RYR2: variants seen among roughly 807,000 people sequenced by gnomAD.
RYR2 encodes ryanodine receptor 2.
Under a neutral mutation model 601.1 loss-of-function variants are expected in RYR2, and 227 were observed. The ratio of observed to expected loss-of-function variants is 0.38; its 90% CI spans 0.34 to 0.42. The LOEUF is 0.42. Ranked by LOEUF, RYR2 falls within the 10% of genes least tolerant of loss-of-function variation. The pLI, the probability that RYR2 is intolerant of heterozygous loss-of-function variation, is 1.00. For synonymous variants in RYR2, 2,223 were observed against 2,175.1 expected (o/e 1.02, Z -0.61); for missense variants, 4,646 against 6,156.5 (o/e 0.75, Z 8.21).
At chr1:237,755,918 T>C (rs751275130) in intron 80 of RYR2, among the ~76,000 whole-genome samples, 34 of 152,184 alleles carry the variant, frequency 2.2e-4, no homozygotes, top group Non-Finnish European at 3.4e-4. Context: ...GGCCATGGCA[T>C]GGGAGATTAT....
At chr1:237,072,476 C>G (rs1056973327) in intron 1 of RYR2, among the ~76,000 whole-genome samples, 1 of 151,520 alleles carries the variant, frequency 6.6e-6, no homozygotes, top group African/African-American at 2.4e-5. Context: ...GTCTGGAGAG[C>G]AAGGGTTCAT....
intron 1 of RYR2, among the ~76,000 whole-genome samples, chr1:237,048,959 G>T (rs536925058): frequency 2.6e-4 from 39 of 152,330 alleles, no homozygotes; most frequent in African/African-American, 9.1e-4. Flanking sequence ...GATAGTGGGG[G>T]TGGAAGAATA....
intron 21 of RYR2, among the ~76,000 whole-genome samples, chr1:237,501,569 T>TAC (rs142793493): frequency 2.0e-5 from 3 of 152,116 alleles, no homozygotes; most frequent in African/African-American, 4.8e-5. Context: ...CTTATTTTTA[T>TAC]ACACACACAC....
intron 2 of RYR2, among the ~76,000 whole-genome samples, chr1:237,306,191 TAC>T (rs1693844722): frequency 5.3e-5 from 8 of 152,358 alleles, no homozygotes; most frequent in African/African-American, 1.9e-4. Context: ...ATAGGATTAA[TAC>T]CATTTAATAA....
chr1:237,394,620 A>G (rs903649748), intron 10 of RYR2, among the ~76,000 whole-genome samples: 2 of 152,224 alleles, frequency 1.3e-5, no homozygotes, highest in African/African-American at 4.8e-5. Flanking sequence ...TTCACTCTGA[A>G]ATAACCTTTT....
At chr1:237,785,772 G>A (rs547588370) in intron 90 of RYR2, among the ~76,000 whole-genome samples, 197 bp from the exon 91 acceptor site, 1 of 152,296 alleles carries the variant, frequency 6.6e-6, no homozygotes, top group East Asian at 1.9e-4. Context: ...CCTGCTGCTG[G>A]TGCAGTAGGT....
intron 2 of RYR2, among the ~76,000 whole-genome samples, chr1:237,315,115 A>T (rs950778226): frequency 6.6e-6 from 1 of 152,170 alleles, no homozygotes; most frequent in African/African-American, 2.4e-5. Context: ...AGTAACCTAC[A>T]TGTGAATGAA....
chr1:237,326,018 A>C (rs1437454776), intron 2 of RYR2, among the ~76,000 whole-genome samples: 1 of 152,208 alleles, frequency 6.6e-6, no homozygotes, highest in Non-Finnish European at 1.5e-5. Flanking sequence ...TGGCTTATAT[A>C]GTCCTAAATT....
chr1:237,167,874 A>AT (rs1162162732), intron 1 of RYR2, among the ~76,000 whole-genome samples: 1 of 152,132 alleles, frequency 6.6e-6, no homozygotes, highest in Non-Finnish European at 1.5e-5. Context: ...CAATAGGCAC[A>AT]TGCCACTATG....
rs564957172 is a variant in RYR2 at position 237,456,682 on chromosome 1, G to T, written c.1559G>T (p.Arg520Leu). 9.9e-6 allele frequency: 16 copies of T among 1,613,606 alleles called. No homozygotes were observed. The highest frequency in any genetic ancestry group is 1.4e-5 in the Non-Finnish European group (16 of 1,179,664). The change falls in exon 16 of 105, where the codon CGA (arginine) becomes CTA (leucine). Residue 520 changes from arginine to leucine, a missense_variant. This residue lies in a region of RYR2 where 1,807 missense variants were observed against 2,088.1 expected (regional missense o/e 0.87). Transcript: ENST00000366574. ...GCACACTTTGCTGATGTTGCTGGGC[G>T]AGAAGCAGGAGAGTCTTGGAAATCC... ...SAAHFADVAG[R>L]EAGESWKSIL...
chr1:237,452,549 A>G (rs944441169), intron 14 of RYR2, among the ~76,000 whole-genome samples: 2 of 146,398 alleles, frequency 1.4e-5, no homozygotes, highest in African/African-American at 5.0e-5. Flanking sequence ...ATAACAACAT[A>G]TATCATATAT....
At chr1:237,075,061 AC>A (rs1664842865) in intron 1 of RYR2, among the ~76,000 whole-genome samples, 2 of 152,026 alleles carry the variant, frequency 1.3e-5, no homozygotes, top group Admixed American at 1.3e-4. Flanking sequence ...CAAGCGCTGA[AC>A]CCACTCTCAT....
At chr1:237,825,769 C>T (rs1663018424) in intron 101 of RYR2, among the ~76,000 whole-genome samples, 1 of 152,206 alleles carries the variant, frequency 6.6e-6, no homozygotes, top group Non-Finnish European at 1.5e-5. Flanking sequence ...GTCTATCCAT[C>T]TGATATACAG....
chr1:237,096,094 G>A, intron 1 of RYR2, among the ~76,000 whole-genome samples: 1 of 152,080 alleles, frequency 6.6e-6, no homozygotes, highest in East Asian at 1.9e-4. Context: ...AAATTGTTTG[G>A]GACTTTTATA....
At chr1:237,588,887 C>T (rs1179541948) in intron 29 of RYR2, among the ~76,000 whole-genome samples, 1 of 110,644 alleles carries the variant, frequency 9.0e-6, no homozygotes, top group Non-Finnish European at 2.0e-5. Context: ...ATCTCATCCC[C>T]TTGTGAAAAA....
chr1:237,677,430 G>T (rs1212179474), intron 60 of RYR2, among the ~76,000 whole-genome samples: 1 of 152,128 alleles, frequency 6.6e-6, no homozygotes, highest in Admixed American at 6.5e-5. Context: ...GAAAACTTGG[G>T]TGTTTTTGCT....
intron 63 of RYR2, among the ~76,000 whole-genome samples, chr1:237,694,184 C>T (rs1268273011): frequency 6.6e-6 from 1 of 151,386 alleles, no homozygotes; most frequent in Non-Finnish European, 1.5e-5. Context: ...GTCCCAGCTA[C>T]TCGGGAGGCT....
intron 10 of RYR2, among the ~76,000 whole-genome samples, chr1:237,399,896 G>A (rs56363825): frequency 0.42 from 63,378 of 151,684 alleles, 14,108 homozygotes; most frequent in East Asian, 0.71. Context: ...ACGGTAACTA[G>A]GGGCAAGGAA....
rs189062965 is a variant in RYR2, at chr1:237,237,773, G to A, written c.49-32724G>A. On this transcript the variant is annotated intron_variant, in intron 1 of 104. Transcript: ENST00000366574. The stretch of plus-strand genomic sequence containing the variant: ...TCTTTTCCGAATTGACTAAGGTTTG[G>A]CATCTTTTTAGGACTAATAAGAGAC... 3.9e-5 allele frequency among the ~76,000 whole-genome samples: 6 copies of A among 152,204 alleles called. No individual in the cohort carries two copies. The East Asian group carries it at 1.2e-3, about 29-fold the overall frequency.
Sources: allele counts gnomAD v4.1 joint callset (sites outside exome capture counted in the v4.1 genomes callset), GRCh38; gene constraint gnomAD v4.1.1; regional missense constraint gnomAD v4.1.1; transcripts MANE v1.5; gene names NCBI Gene and HGNC (gene_info 2026-07-23, HGNC 2026-07-21).